Variants in CTNNA3 observed in about 807,000 individuals in gnomAD.
CTNNA3 encodes the protein catenin alpha 3.
Under a neutral mutation model 95.7 loss-of-function variants are expected in CTNNA3, and 76 were observed. The observed-to-expected ratio is 0.79, with a 90% confidence interval of 0.66 to 0.96. The LOEUF is 0.96. CTNNA3 is among the 40% of genes least tolerant of loss of function. The pLI is 0.00. For missense variants in CTNNA3, 1,191 were observed against 1,089.8 expected, an observed-to-expected ratio of 1.09 and a Z score of -1.31; for synonymous variants, 431 against 374.4, an observed-to-expected ratio of 1.15 and a Z score of -1.74.
At chr10:67,670,462 ACAT>A (rs1351785184) in intron 1 of CTNNA3, among the ~76,000 whole-genome samples, 1 of 152,252 alleles carries the variant, frequency 6.6e-6, no homozygotes, top group African/African-American at 2.4e-5. Context: ...TAAAACTATA[ACAT>A]CATTCCTATT....
chr10:67,143,742 C>T (rs1415020742), intron 7 of CTNNA3, among the ~76,000 whole-genome samples: 1 of 152,128 alleles, frequency 6.6e-6, no homozygotes, highest in Non-Finnish European at 1.5e-5. Flanking sequence ...AGTTATCTTG[C>T]TATTCCTCCC....
intron 9 of CTNNA3, among the ~76,000 whole-genome samples, chr10:66,657,111 G>A (rs965254834): frequency 6.6e-6 from 1 of 152,156 alleles, no homozygotes; most frequent in Non-Finnish European, 1.5e-5. Context: ...AGAATGGCAC[G>A]AGGAAGCTAC....
At chr10:66,220,917 A>G (rs957128220) in intron 13 of CTNNA3, among the ~76,000 whole-genome samples, 3 of 152,156 alleles carry the variant, frequency 2.0e-5, no homozygotes, top group African/African-American at 7.2e-5. Flanking sequence ...GTTTTGAAAA[A>G]GACAACATTC....
At chr10:66,753,918 T>C (rs1313421673) in intron 9 of CTNNA3, among the ~76,000 whole-genome samples, 2 of 152,100 alleles carry the variant, frequency 1.3e-5, no homozygotes, top group African/African-American at 4.8e-5. Flanking sequence ...CTCGTGTTCA[T>C]GGATCAGAAG....
intron 12 of CTNNA3, among the ~76,000 whole-genome samples, chr10:66,360,037 C>T (rs1157776131): frequency 2.0e-5 from 3 of 151,888 alleles, no homozygotes; most frequent in Non-Finnish European, 4.4e-5. Context: ...GCATGTTGGT[C>T]GGGCTGGTCT....
intron 13 of CTNNA3, among the ~76,000 whole-genome samples, chr10:66,212,819 C>T (rs1282703373): frequency 1.3e-5 from 2 of 152,202 alleles, no homozygotes; most frequent in African/African-American, 4.8e-5. Context: ...GCCTGGCCAA[C>T]ATGGCGAAAC....
rs560263701 is a variant in CTNNA3, at chr10:66,995,417, G to A, written c.1047+184900C>T. ...ATCTCTTACATGGCCCATGGTAGCA[G>A]TCAGCTAGCAGGACCCCCTGCTTCT... On this transcript the variant is annotated intron_variant, in intron 7 of 17. Transcript: ENST00000433211. 4.5e-4 allele frequency among the ~76,000 whole-genome samples: 68 copies of A among 152,276 alleles called. 1 individual carries two copies. Among genetic ancestry groups the A allele is most frequent in the Admixed American group, 4.4e-3 (68 of 15,298 alleles).
At chr10:67,708,113 T>C (rs1841087820) in intron 1 of CTNNA3, among the ~76,000 whole-genome samples, 1 of 152,194 alleles carries the variant, frequency 6.6e-6, no homozygotes, top group African/African-American at 2.4e-5. Context: ...CTTTGTTGCC[T>C]TGGTAATAAT....
chr10:66,801,577 A>G (rs1841432344), intron 7 of CTNNA3, among the ~76,000 whole-genome samples: 1 of 151,638 alleles, frequency 6.6e-6, no homozygotes, highest in Non-Finnish European at 1.5e-5. Context: ...TACTCTGAAA[A>G]CTATGAAATA....
intron 11 of CTNNA3, among the ~76,000 whole-genome samples, chr10:66,463,300 A>C (rs1055221444): frequency 6.6e-6 from 1 of 152,132 alleles, no homozygotes; most frequent in Non-Finnish European, 1.5e-5. Flanking sequence ...ATTGTTAAAA[A>C]GAGGCTGGCA....
chr10:66,020,763 C>T (rs990478426), intron 15 of CTNNA3, among the ~76,000 whole-genome samples: 1 of 151,554 alleles, frequency 6.6e-6, no homozygotes, highest in Non-Finnish European at 1.5e-5. Context: ...GCTCTGCCTC[C>T]CAGGTTCACG....
chr10:66,553,040 G>A (rs916968440), intron 10 of CTNNA3, among the ~76,000 whole-genome samples: 23 of 151,706 alleles, frequency 1.5e-4, no homozygotes, highest in African/African-American at 5.3e-4. Flanking sequence ...TCTGATATTG[G>A]TTATTTATTC....
At position 67,075,482 on chromosome 10, in the gene CTNNA3, G is replaced by C. The variant is rs564313838; in HGVS notation, c.1047+104835C>G. On this transcript the variant is annotated intron_variant, in intron 7 of 17. Coordinates refer to ENST00000433211, the MANE Select transcript of CTNNA3 (RefSeq NM_013266.4). ...CACCTGCCACTATTAAGATGGAAAA[G>C]AGATAAGAAAGGTGAAGTTGGAAAT... 2.0e-5 allele frequency among the ~76,000 whole-genome samples: 3 copies of C among 152,276 alleles called. No individual in the cohort carries two copies. The East Asian group carries it at 5.8e-4, about 29-fold the overall frequency.
At chr10:66,379,032 A>G in intron 12 of CTNNA3, 120 bp downstream of exon 12, 1 of 799,650 alleles carries the variant, frequency 1.3e-6, no homozygotes, top group African/African-American at 1.7e-5. Flanking sequence ...CAAGCACTGT[A>G]TAGCAATGTA....
chr10:67,401,175 C>T (rs181550367), intron 5 of CTNNA3, among the ~76,000 whole-genome samples: 2 of 152,242 alleles, frequency 1.3e-5, no homozygotes, highest in East Asian at 3.9e-4. Flanking sequence ...AAAAGCAGCC[C>T]TCACAAGATC....
intron 5 of CTNNA3, among the ~76,000 whole-genome samples, chr10:67,258,058 A>G (rs2096055922): frequency 6.6e-6 from 1 of 152,202 alleles, no homozygotes; most frequent in South Asian, 2.1e-4. Flanking sequence ...AACAAGGATA[A>G]GTCCTTTCCT....
chr10:66,074,366 G>C (rs1427235633), intron 14 of CTNNA3, among the ~76,000 whole-genome samples: 1 of 151,806 alleles, frequency 6.6e-6, no homozygotes, highest in East Asian at 1.9e-4. Flanking sequence ...TTTCTCTTGA[G>C]TATGTATCTA....
chr10:66,006,704 T>C (rs1243096682), intron 15 of CTNNA3, among the ~76,000 whole-genome samples: 1 of 152,092 alleles, frequency 6.6e-6, no homozygotes, highest in Non-Finnish European at 1.5e-5. Context: ...TCCTTTCATA[T>C]CAGACCAACT....
At chr10:67,678,518 T>G (rs1392004541) in intron 1 of CTNNA3, among the ~76,000 whole-genome samples, 1 of 152,140 alleles carries the variant, frequency 6.6e-6, no homozygotes, top group Non-Finnish European at 1.5e-5. Flanking sequence ...CAACAAAGAA[T>G]GATACGTTAG....
Sources: gnomAD v4.1 joint callset for allele counts (sites outside exome capture counted in the v4.1 genomes callset) on GRCh38, gnomAD v4.1.1 for gene constraint, MANE v1.5 for transcripts, NCBI Gene and HGNC (gene_info 2026-07-23, HGNC 2026-07-21) for gene names.